Variants in N4BP1 observed in about 807,000 individuals in gnomAD.
The protein encoded by N4BP1 is NEDD4 binding protein 1.
In N4BP1, 21 loss-of-function variants were observed where a neutral mutation model predicts 70.9. The observed-to-expected ratio is 0.30, with a 90% CI of 0.21 to 0.43. The LOEUF (loss-of-function observed/expected upper bound fraction) is 0.43. Ranked by LOEUF, N4BP1 falls within the 20% of genes least tolerant of loss-of-function variation. N4BP1 has a pLI of 1.00. For synonymous variants in N4BP1, 387 were observed against 394.6 expected, an observed-to-expected ratio of 0.98 and a Z score of 0.23; for missense variants, 936 against 1,069.4, an observed-to-expected ratio of 0.88 and a Z score of 1.74.
At chr16:48,597,950 G>A (rs1256335615) in intron 1 of N4BP1, among the ~76,000 whole-genome samples, 1 of 152,146 alleles carries the variant, frequency 6.6e-6, no homozygotes, top group Non-Finnish European at 1.5e-5. Flanking sequence ...ACAATCACAT[G>A]GCTATACATG....
intron 1 of N4BP1, among the ~76,000 whole-genome samples, chr16:48,598,171 G>A (rs997782542): frequency 1.3e-5 from 2 of 152,218 alleles, no homozygotes; most frequent in African/African-American, 4.8e-5. Flanking sequence ...GGTCTTTTAA[G>A]AATTGCTTAA....
At chr16:48,589,281 T>G (rs1490240327) in intron 1 of N4BP1, among the ~76,000 whole-genome samples, 3 of 151,992 alleles carry the variant, frequency 2.0e-5, no homozygotes, top group Non-Finnish European at 4.4e-5. Flanking sequence ...CAGGATGGGG[T>G]TGGTCAGCAG....
chr16:48,606,976 TCTC>T (rs1350523283), intron 1 of N4BP1, among the ~76,000 whole-genome samples: 2 of 152,108 alleles, frequency 1.3e-5, no homozygotes, highest in African/African-American at 2.4e-5. Flanking sequence ...ATAATGGTTT[TCTC>T]CTCCTTCAAG....
intron 1 of N4BP1, among the ~76,000 whole-genome samples, chr16:48,563,350 A>T (rs1963888184): frequency 6.6e-6 from 1 of 151,762 alleles, no homozygotes; most frequent in African/African-American, 2.4e-5. Flanking sequence ...GCGGGACCCT[A>T]TCTCTAAAAA....
chr16:48,561,584 A>G lies in N4BP1; in HGVS notation c.1059T>C (p.Phe353=). The change falls in exon 2 of 7, where the codon TTT becomes TTC. Residue 353 remains phenylalanine (F), a synonymous_variant. Coordinates refer to ENST00000262384, the MANE Select transcript of N4BP1 (RefSeq NM_153029.4). ...CTTGGGAGTAGCCCATGGTTTTAAA[A>G]AAGTTTACGAGGATGTTGTATTCCA... The part of the protein sequence containing the change: ...EEMEYNILVN[F]FKTMGYSQEI... 4 of 1,613,860 alleles carry G rather than the reference A, an allele frequency of 2.5e-6. No individual in the cohort carries two copies.
At chr16:48,551,305 G>T in intron 4 of N4BP1, 81 bp downstream of exon 4, 1 of 982,354 alleles carries the variant, frequency 1.0e-6, no homozygotes, top group Non-Finnish European at 1.6e-6. Context: ...TCCTCTAAAA[G>T]TGTGGACCTG....
intron 1 of N4BP1, among the ~76,000 whole-genome samples, chr16:48,601,372 A>G (rs1301147431): frequency 6.6e-6 from 1 of 152,202 alleles, no homozygotes; most frequent in African/African-American, 2.4e-5. Flanking sequence ...GTGCCTTTTA[A>G]AAGTTATTAT....
intron 2 of N4BP1, among the ~76,000 whole-genome samples, chr16:48,559,472 TGTTAA>T (rs1054348226): frequency 7.9e-5 from 12 of 152,196 alleles, no homozygotes; most frequent in Admixed American, 6.5e-4. Context: ...AAATCAATGG[TGTTAA>T]ATTAAATTAA....
chr16:48,573,236 A>C (rs1964047892), intron 1 of N4BP1, among the ~76,000 whole-genome samples: 1 of 152,116 alleles, frequency 6.6e-6, no homozygotes, highest in South Asian at 2.1e-4. Context: ...TATTGGAAAA[A>C]CTGGGATAGT....
chr16:48,566,072 T>G (rs1963939116), intron 1 of N4BP1, among the ~76,000 whole-genome samples: 1 of 152,192 alleles, frequency 6.6e-6, no homozygotes, highest in Non-Finnish European at 1.5e-5. Context: ...TTCATTTCAC[T>G]GATTTTCTCT....
chr16:48,602,226 AAAAC>A (rs1402486076), intron 1 of N4BP1, among the ~76,000 whole-genome samples: 4 of 152,208 alleles, frequency 2.6e-5, no homozygotes, highest in Admixed American at 2.0e-4. Flanking sequence ...CCTGTCTCAA[AAAAC>A]AAACAACAAC....
At chr16:48,603,365 G>T (rs905101803) in intron 1 of N4BP1, among the ~76,000 whole-genome samples, 3 of 151,814 alleles carry the variant, frequency 2.0e-5, no homozygotes, top group Non-Finnish European at 2.9e-5. Flanking sequence ...TAGGCCTCTC[G>T]GTGGCTACTC....
At chr16:48,546,095 C>G (rs775396849) in intron 6 of N4BP1, 52 bp downstream of exon 6, 7 of 1,229,676 alleles carry the variant, frequency 5.7e-6, no homozygotes, top group Non-Finnish European at 4.6e-6. Context: ...CACTAAAGCA[C>G]AAAGAATTGA....
chr16:48,581,670 A>G (rs999920046), intron 1 of N4BP1, among the ~76,000 whole-genome samples: 2 of 152,242 alleles, frequency 1.3e-5, no homozygotes, highest in African/African-American at 4.8e-5. Flanking sequence ...CACTGACAAA[A>G]GAAATTGAAG....
rs560700383 is a variant in N4BP1 at position 48,587,909 on chromosome 16, G to A, written c.198+21866C>T. 2.6e-4 allele frequency among the ~76,000 whole-genome samples: 40 copies of A among 152,152 alleles called. No homozygotes were observed. In the South Asian group the frequency reaches 7.3e-3, roughly 28 times the overall value. Reference sequence around the variant, plus strand: ...GCAGATTTTGGGAATTCTGAAGAGAGAGGAATTCATCTAGATGTACAGACA... The same window carrying A: ...GCAGATTTTGGGAATTCTGAAGAGAAAGGAATTCATCTAGATGTACAGACA... On this transcript the variant is annotated intron_variant, in intron 1 of 6. Coordinates refer to ENST00000262384, the MANE Select transcript of N4BP1 (RefSeq NM_153029.4).
chr16:48,607,494 G>A (rs1964601655), intron 1 of N4BP1, among the ~76,000 whole-genome samples: 1 of 152,172 alleles, frequency 6.6e-6, no homozygotes, highest in Non-Finnish European at 1.5e-5. Flanking sequence ...GCTCTAGTAG[G>A]TTCCAGGGCA....
At chr16:48,585,515 C>T (rs1328570345) in intron 1 of N4BP1, among the ~76,000 whole-genome samples, 3 of 150,726 alleles carry the variant, frequency 2.0e-5, no homozygotes, top group Non-Finnish European at 4.4e-5. Context: ...ATATGTTCAA[C>T]TAAATAAAAT....
chr16:48,567,521 G>T (rs1176487714), intron 1 of N4BP1, among the ~76,000 whole-genome samples: 1 of 152,016 alleles, frequency 6.6e-6, no homozygotes, highest in Non-Finnish European at 1.5e-5. Context: ...GTTTTGCTAT[G>T]TTTGCCAGGC....
chr16:48,599,354 CA>C (rs1273061367), intron 1 of N4BP1, among the ~76,000 whole-genome samples: 1 of 152,156 alleles, frequency 6.6e-6, no homozygotes. Flanking sequence ...TGTTCTTTCA[CA>C]AATTCTGGCA....
Sources: gnomAD v4.1 joint callset for allele counts (sites outside exome capture counted in the v4.1 genomes callset) on GRCh38, gnomAD v4.1.1 for gene constraint, MANE v1.5 for transcripts, NCBI Gene and HGNC (gene_info 2026-07-23, HGNC 2026-07-21) for gene names.